Variants in ZNF804B observed in about 807,000 individuals in gnomAD.
ZNF804B encodes zinc finger 804B.
Under a neutral mutation model 101.4 loss-of-function variants are expected in ZNF804B, and 80 were observed. The ratio of observed to expected loss-of-function variants is 0.79; its 90% CI spans 0.66 to 0.95. The LOEUF (loss-of-function observed/expected upper bound fraction) is 0.95. Among genes scored for constraint, ZNF804B ranks in the 40% least tolerant of loss-of-function variants. ZNF804B has a pLI of 0.00. For missense variants in ZNF804B, 1,673 were observed against 1,561.9 expected (o/e 1.07, Z -1.20); for synonymous variants, 622 against 558.8 (o/e 1.11, Z -1.59).
At chr7:89,101,120 A>C (rs2116338464) in intron 1 of ZNF804B, among the ~76,000 whole-genome samples, 1 of 152,226 alleles carries the variant, frequency 6.6e-6, no homozygotes, top group Admixed American at 6.5e-5. Flanking sequence ...GAAATCATTT[A>C]ATGTAGCAGT....
intron 1 of ZNF804B, among the ~76,000 whole-genome samples, chr7:88,829,395 C>T (rs1024599867): frequency 6.6e-6 from 1 of 151,990 alleles, no homozygotes; most frequent in Non-Finnish European, 1.5e-5. Flanking sequence ...TTTAGGAAAT[C>T]TTCTTGGTGG....
intron 1 of ZNF804B, among the ~76,000 whole-genome samples, chr7:89,089,963 C>A (rs909577564): frequency 9.9e-5 from 15 of 151,808 alleles, no homozygotes; most frequent in Admixed American, 7.9e-4. Flanking sequence ...AAAAAAATAG[C>A]CTAAGATTTT....
intron 1 of ZNF804B, among the ~76,000 whole-genome samples, chr7:88,860,335 T>C (rs534746345): frequency 1.3e-5 from 2 of 152,226 alleles, no homozygotes; most frequent in Non-Finnish European, 2.9e-5. Context: ...GTTGTTTGCT[T>C]GACATTGGAG....
At chr7:88,933,071 A>G (rs1792912857) in intron 1 of ZNF804B, among the ~76,000 whole-genome samples, 1 of 151,822 alleles carries the variant, frequency 6.6e-6, no homozygotes, top group African/African-American at 2.4e-5. Context: ...ACCAAATCCA[A>G]CAGAATATCA....
intron 1 of ZNF804B, among the ~76,000 whole-genome samples, chr7:89,175,134 G>GCTTGTGGGGTATTA (rs145999626): frequency 0.41 from 61,781 of 151,598 alleles, 13,153 homozygotes; most frequent in Non-Finnish European, 0.47. Context: ...GGTTGCCTGT[G>GCTTGTGGGGTATTA]CTCAATAAAT....
intron 2 of ZNF804B, among the ~76,000 whole-genome samples, chr7:89,232,063 C>A (rs2115740689): frequency 6.6e-6 from 1 of 152,072 alleles, no homozygotes; most frequent in Middle Eastern, 3.4e-3. Context: ...TTAATAGAAA[C>A]CCTTTATGAG....
At chr7:89,303,083 A>G (rs4270884) in intron 2 of ZNF804B, among the ~76,000 whole-genome samples, 39,654 of 151,632 alleles carry the variant, frequency 0.26, 5,246 homozygotes, top group Admixed American at 0.29. Flanking sequence ...CTGGCTTTAC[A>G]TATGAGTGTG....
chr7:89,193,844 G>C (rs528778445), intron 1 of ZNF804B, among the ~76,000 whole-genome samples: 1 of 152,074 alleles, frequency 6.6e-6, no homozygotes, highest in African/African-American at 2.4e-5. Context: ...GGGATGGCTG[G>C]GTCAAATGGT....
At chr7:88,912,511 C>T (rs1315801819) in intron 1 of ZNF804B, among the ~76,000 whole-genome samples, 1 of 152,040 alleles carries the variant, frequency 6.6e-6, no homozygotes, top group South Asian at 2.1e-4. Context: ...ATATTTTATG[C>T]ATTCTTCTGA....
intron 1 of ZNF804B, among the ~76,000 whole-genome samples, chr7:89,015,175 C>T (rs1197561424): frequency 6.6e-6 from 1 of 152,032 alleles, no homozygotes; most frequent in East Asian, 1.9e-4. Flanking sequence ...GAATTACTTC[C>T]TGGGTTCTTT....
At chr7:89,155,750 T>G (rs1420083722) in intron 1 of ZNF804B, among the ~76,000 whole-genome samples, 1 of 152,210 alleles carries the variant, frequency 6.6e-6, no homozygotes, top group East Asian at 1.9e-4. Context: ...TGTCTTTATA[T>G]CATTGCCCAT....
chr7:89,268,915 C>G (rs1789841496), intron 2 of ZNF804B, among the ~76,000 whole-genome samples: 1 of 152,032 alleles, frequency 6.6e-6, no homozygotes, highest in Non-Finnish European at 1.5e-5. Context: ...CAGATGGTGC[C>G]TATTATTTTT....
intron 1 of ZNF804B, among the ~76,000 whole-genome samples, chr7:88,872,638 G>A (rs1791849027): frequency 6.9e-6 from 1 of 144,162 alleles, no homozygotes; most frequent in African/African-American, 2.6e-5. Context: ...CCCCACAACA[G>A]TACCCAGAGT....
chr7:88,887,819 C>G (rs981464807), intron 1 of ZNF804B, among the ~76,000 whole-genome samples: 4 of 151,296 alleles, frequency 2.6e-5, no homozygotes, highest in Admixed American at 6.6e-5. Flanking sequence ...CTCATTACTA[C>G]GATCCTACCC....
chr7:89,251,326 C>G (rs1261727204), intron 2 of ZNF804B, among the ~76,000 whole-genome samples: 2 of 152,018 alleles, frequency 1.3e-5, no homozygotes, highest in South Asian at 2.1e-4. Flanking sequence ...AAATCAAAAA[C>G]ACAATTTCAT....
intron 1 of ZNF804B, among the ~76,000 whole-genome samples, chr7:88,818,248 CATT>C (rs1306790143): frequency 6.6e-6 from 1 of 152,064 alleles, no homozygotes; most frequent in Non-Finnish European, 1.5e-5. Flanking sequence ...ACAAAAATGT[CATT>C]ATACTTGAAA....
At chr7:89,017,867 T>C (rs1254162524) in intron 1 of ZNF804B, among the ~76,000 whole-genome samples, 1 of 152,176 alleles carries the variant, frequency 6.6e-6, no homozygotes, top group Non-Finnish European at 1.5e-5. Context: ...TTGATTTTTT[T>C]CTTCTGCAAT....
intron 1 of ZNF804B, among the ~76,000 whole-genome samples, chr7:88,856,126 T>A (rs1356875253): frequency 6.6e-6 from 1 of 152,218 alleles, no homozygotes; most frequent in African/African-American, 2.4e-5. Flanking sequence ...AAGTAGTTTT[T>A]TCCAATTCTG....
chr7:88,893,715 G>A (rs1792246292), intron 1 of ZNF804B, among the ~76,000 whole-genome samples: 1 of 152,164 alleles, frequency 6.6e-6, no homozygotes, highest in Non-Finnish European at 1.5e-5. Context: ...TTGAAAAGCT[G>A]TGTGTCACAA....
Sources: allele counts gnomAD v4.1 joint callset (sites outside exome capture counted in the v4.1 genomes callset), GRCh38; gene constraint gnomAD v4.1.1; transcripts MANE v1.5; gene names NCBI Gene and HGNC (gene_info 2026-07-23, HGNC 2026-07-21).